The following SEPTIN2 variants were observed in gnomAD, a reference collection of about 807,000 sequenced individuals.
SEPTIN2 encodes the protein septin-2.
SEPTIN2 carries 34 observed loss-of-function variants against 46.5 expected under a neutral mutation model. That is an observed-to-expected ratio of 0.73 (90% CI 0.56 to 0.97). SEPTIN2 has a LOEUF of 0.97. Ranked by LOEUF, SEPTIN2 falls within the 50% of genes least tolerant of loss-of-function variation. SEPTIN2 has a pLI of 0.00. For synonymous variants in SEPTIN2, 175 were observed against 153.4 expected, an observed-to-expected ratio of 1.14 and a Z score of -1.04; for missense variants, 347 against 448.4, an observed-to-expected ratio of 0.77 and a Z score of 2.04.
Position 241,326,073 on chromosome 2 carries a change from A to G in SEPTIN2, c.90A>G (p.Lys30=). 6.2e-7 allele frequency: 1 copy of G among 1,613,828 alleles called. No individual in the cohort carries two copies. The highest frequency in any genetic ancestry group is 1.3e-5 in the African/African-American group (1 of 75,048). The change falls in exon 3 of 13, where the codon AAA becomes AAG. Residue 30 remains lysine, a synonymous_variant. Transcript: ENST00000391971. ...ACCTCCCCAATCAAGTTCACCGAAA[A>G]TCAGTGAAAAAAGGTTTTGAGTTCA... ...FANLPNQVHR[K]SVKKGFEFTL... is the part of the protein sequence containing the mutation.
chr2:241,323,318 G>A (rs184454058), intron 1 of SEPTIN2, among the ~76,000 whole-genome samples: 24 of 152,168 alleles, frequency 1.6e-4, no homozygotes, highest in Admixed American at 9.8e-4. Flanking sequence ...TCACAGGCAC[G>A]CACCACCACG....
Position 241,353,933 on chromosome 2 carries a change from A to G in SEPTIN2, c.*1996A>G, listed in dbSNP as rs1398191093. On this transcript the variant is annotated 3_prime_UTR_variant, in exon 13 of 13. Transcript: ENST00000391971. ...TTACTAAGACATAGTCTCTACCTAT[A>G]GAAATGTATTTTGAAAACACTTATT... 6.6e-6 allele frequency: 1 copy of G among 152,650 alleles called. No homozygotes were observed. The highest frequency in any genetic ancestry group is 1.5e-5 in the Non-Finnish European group (1 of 68,044). The allele number at this position is 152,650 out of a possible 1,614,324, so 9.5% of individuals were successfully genotyped here.
rs1474980887 is a variant in SEPTIN2, at chr2:241,340,296, A to G, written c.594+2506A>G. Among the ~76,000 whole-genome samples the G allele has an allele frequency of 3.3e-5, 5 of 152,200 alleles. 1 individual carries two copies. Among genetic ancestry groups the G allele is most frequent in the Admixed American group, 2.6e-4 (4 of 15,274 alleles). ...CGGTTGGTGTATTCTCTCAGGTTGC[A>G]GGGACTTGGCTCTTGCTTTTTTATT... On this transcript the variant is annotated intron_variant, in intron 7 of 12. Coordinates refer to ENST00000391971, the MANE Select transcript of SEPTIN2 (RefSeq NM_004404.5).
At position 241,335,112 on chromosome 2, in the gene SEPTIN2, C is replaced by A; in HGVS notation, c.131-14C>A. 1 of 1,590,022 alleles carries A rather than the reference C, an allele frequency of 6.3e-7. No homozygotes were observed. Among genetic ancestry groups the A allele is most frequent in the Non-Finnish European group, 8.6e-7 (1 of 1,159,942 alleles). ...TGAATAAGGTCATGACAAGGTTTTT[C>A]TTTTTATTTAAAGGTGAATCAGGTC... On this transcript the variant is annotated splice_polypyrimidine_tract_variant and intron_variant, in intron 3 of 12. Transcript: ENST00000391971.
intron 8 of SEPTIN2, 133 bp from the exon 9 acceptor site, chr2:241,343,619 A>G (rs1455922307): frequency 4.3e-6 from 4 of 929,904 alleles, no homozygotes; most frequent in East Asian, 4.9e-5. Context: ...AGAAAATGTT[A>G]CATACCCCCA....
intron 7 of SEPTIN2, 79 bp downstream of exon 7, chr2:241,337,869 G>A (rs2080299011): frequency 9.6e-6 from 9 of 934,884 alleles, no homozygotes; most frequent in Admixed American, 2.1e-5. Context: ...GTGTTCCCAC[G>A]CTCAGTCTGC....
At chr2:241,331,036 G>T (rs926705645) in intron 3 of SEPTIN2, among the ~76,000 whole-genome samples, 1 of 152,114 alleles carries the variant, frequency 6.6e-6, no homozygotes, top group Non-Finnish European at 1.5e-5. Context: ...GAAATTAGCC[G>T]GCCGTGATGG....
At chr2:241,338,723 A>G (rs1208447221) in intron 7 of SEPTIN2, among the ~76,000 whole-genome samples, 2 of 102,892 alleles carry the variant, frequency 1.9e-5, no homozygotes, top group African/African-American at 3.6e-5. Context: ...TATATAATAT[A>G]TTATATATAT....
rs760141925 is a variant in SEPTIN2, at chr2:241,337,777, G to A, written c.581G>A (p.Arg194Gln). ...ACTCTCACCCTGAAGGAACGGGAGC[G>A]GCTGAAGAAAAGGGTGAGTGAGGCT... ...ADTLTLKERERLKKRILDEIE... is the reference protein window; with the variant it reads ...ADTLTLKEREQLKKRILDEIE... Residue 194 changes from arginine (R) to glutamine (Q), a missense_variant, in exon 7 of 13, where the codon CGG (arginine) becomes CAG (glutamine). Arg to Gln is a conservative substitution (Grantham distance 43). Coordinates refer to ENST00000391971, the MANE Select transcript of SEPTIN2 (RefSeq NM_004404.5). 10 of 1,613,466 alleles carry A rather than the reference G, an allele frequency of 6.2e-6. No homozygotes were observed. Among genetic ancestry groups the A allele is most frequent in the African/African-American group, 2.7e-5 (2 of 74,876 alleles).
At chr2:241,347,085 C>T (rs1018562786) in intron 10 of SEPTIN2, among the ~76,000 whole-genome samples, 1 of 152,124 alleles carries the variant, frequency 6.6e-6, no homozygotes, top group African/African-American at 2.4e-5. Flanking sequence ...GGAGACCTCG[C>T]CTCTATAAAA....
intron 1 of SEPTIN2, chr2:241,316,344 A>G (rs1039674263): frequency 5.9e-6 from 3 of 505,290 alleles, no homozygotes; most frequent in Non-Finnish European, 9.8e-6. Flanking sequence ...TGGAGGGAGG[A>G]TACAGGTTTA....
chr2:241,323,000 A>G (rs2077371630), intron 1 of SEPTIN2, among the ~76,000 whole-genome samples: 1 of 152,206 alleles, frequency 6.6e-6, no homozygotes, highest in Admixed American at 6.5e-5. Context: ...ACATATATAT[A>G]TACAGTTGCT....
rs1490416077 is a variant in SEPTIN2, at chr2:241,338,968, AATATAAT to A, written c.594+1185_594+1191del. Among the ~76,000 whole-genome samples, 73 of 84,780 alleles carry A rather than the reference AATATAAT, an allele frequency of 8.6e-4. 1 individual carries two copies. Among genetic ancestry groups the A allele is most frequent in the African/African-American group, 2.8e-3 (71 of 25,082 alleles). The allele number at this position is 84,780 out of a possible 152,430, so 55.6% of individuals were successfully genotyped here. On this transcript the variant is annotated intron_variant, in intron 7 of 12. Coordinates refer to ENST00000391971, the MANE Select transcript of SEPTIN2 (RefSeq NM_004404.5). ...TATTATATATATAATATATATTATA[AATATAAT>A]ATATAAATATATTTATAAATATATA...
At chr2:241,324,452 A>C in intron 2 of SEPTIN2, 2 of 517,620 alleles carry the variant, frequency 3.9e-6, no homozygotes, top group Non-Finnish European at 7.0e-6. Flanking sequence ...CAGTGGCATG[A>C]TCTCAGCTCA....
intron 11 of SEPTIN2, among the ~76,000 whole-genome samples, chr2:241,348,921 A>G (rs2060521920): frequency 6.6e-6 from 1 of 152,254 alleles, no homozygotes; most frequent in South Asian, 2.1e-4. Context: ...TCTTTGGTCA[A>G]ATTAATTCAA....
intron 8 of SEPTIN2, among the ~76,000 whole-genome samples, chr2:241,343,320 G>A (rs1559655970): frequency 6.6e-6 from 1 of 152,148 alleles, no homozygotes; most frequent in African/African-American, 2.4e-5. Context: ...CCAACATGGT[G>A]AAATCTCATC....
intron 3 of SEPTIN2, among the ~76,000 whole-genome samples, chr2:241,329,119 GTGTGTTTTGTTTT>G (rs1021838717): frequency 1.3e-5 from 2 of 151,964 alleles, no homozygotes; most frequent in Non-Finnish European, 1.5e-5. Context: ...TGTTTTGTTT[GTGTGTTTTGTTTT>G]TGAGATGGTT....
chr2:241,350,004 A>G lies in SEPTIN2; in HGVS notation c.985-69A>G, dbSNP rs2302016. The G allele has an allele frequency of 0.025, 36,482 of 1,476,150 alleles. 3,936 individuals carry two copies. In the Admixed American group the frequency reaches 0.3, roughly 12 times the overall value. 91.4% of individuals were successfully genotyped at this position (1,476,150 alleles called of 1,614,324 possible). A position where few individuals can be genotyped will look rare whatever the true frequency, so the allele number is the denominator to read the frequency against. On this transcript the variant is annotated intron_variant, in intron 11 of 12. Transcript: ENST00000391971. Reference sequence around the variant, plus strand: ...TAGAAGTTGAAATTTTAGGAATCACAGAACACCCAGAAATAATGTTCAAAG... The same window carrying G: ...TAGAAGTTGAAATTTTAGGAATCACGGAACACCCAGAAATAATGTTCAAAG...
chr2:241,345,447 T>C (rs1692722853), intron 9 of SEPTIN2, among the ~76,000 whole-genome samples: 1 of 152,164 alleles, frequency 6.6e-6, no homozygotes, highest in African/African-American at 2.4e-5. Context: ...GACTTTACTT[T>C]AGTGTCAGTT....
Sources: gnomAD v4.1 joint callset for allele counts (sites outside exome capture counted in the v4.1 genomes callset) on GRCh38, gnomAD v4.1.1 for gene constraint, MANE v1.5 for transcripts, NCBI Gene and HGNC (gene_info 2026-07-23, HGNC 2026-07-21) for gene names.